Variants in CHMP2A observed in about 807,000 individuals in gnomAD.
CHMP2A encodes the protein VPS2 homolog A.
A neutral mutation model predicts 21.8 loss-of-function variants in CHMP2A; 6 were observed. The ratio of observed to expected loss-of-function variants is 0.28; its 90% CI spans 0.15 to 0.54. The LOEUF (loss-of-function observed/expected upper bound fraction) is 0.54. Among genes scored for constraint, CHMP2A ranks in the 20% least tolerant of loss-of-function variants. The probability of loss-of-function intolerance (pLI) is 0.95; values close to 1 mark genes in which losing one functional copy is unlikely to be tolerated. For synonymous variants in CHMP2A, 125 were observed against 107.0 expected, an observed-to-expected ratio of 1.17 and a Z score of -1.04; for missense variants, 303 against 293.9, an observed-to-expected ratio of 1.03 and a Z score of -0.23.
In CHMP2A at chr19:58,552,351, C is replaced by G; in HGVS notation, c.256G>C (p.Val86Leu). 1 of 1,614,218 alleles carries G rather than the reference C, an allele frequency of 6.2e-7. No homozygotes were observed. The highest frequency in any genetic ancestry group is 8.5e-7 in the Non-Finnish European group (1 of 1,180,042). ...TTGAGTGTCTGGATCTTGAGGGACA[C>G]AGCCTGGATGTTGGCCCGCATCAAT... ...FVLMRANIQA[V>L]SLKIQTLKSN... Residue 86 changes from valine to leucine, a missense_variant, in exon 3 of 6, where the codon GTG (valine) becomes CTG (leucine). Physicochemically the swap from Val to Leu is conservative, Grantham distance 32. Coordinates refer to ENST00000312547, the MANE Select transcript of CHMP2A (RefSeq NM_014453.4).
rs764738163 is a variant in CHMP2A at position 58,554,203 on chromosome 19, A to G, written c.10T>C (p.Leu4=). 4.3e-6 allele frequency: 7 copies of G among 1,613,022 alleles called. No individual in the cohort carries two copies. The Admixed American group carries it at 1.0e-4, about 23-fold the overall frequency. Residue 4 remains leucine, a synonymous_variant, in exon 2 of 6, where the codon TTG becomes CTG. Coordinates refer to ENST00000312547, the MANE Select transcript of CHMP2A (RefSeq NM_014453.4). MDL[L]FGRRKTPEEL... is the part of the protein sequence containing the mutation. ...TCTGGCGTCTTCCGGCGCCCGAACAATAGGTCCATGATGGTAGAAGCTCAC... is the reference window on the plus strand; with the variant it reads ...TCTGGCGTCTTCCGGCGCCCGAACAGTAGGTCCATGATGGTAGAAGCTCAC...
chr19:58,552,429 G>C lies in CHMP2A; in HGVS notation c.178C>G (p.Arg60Gly), dbSNP rs773474943. The C allele has an allele frequency of 1.2e-6, 2 of 1,613,722 alleles. No individual in the cohort carries two copies. The highest frequency in any genetic ancestry group is 1.1e-5 in the South Asian group (1 of 91,040). The change falls in exon 3 of 6, where the codon CGC becomes GGC. Residue 60 changes from arginine to glycine, a missense_variant. By Grantham distance (125) the Arg-to-Gly change is moderately radical (BLOSUM62 -2). Coordinates refer to ENST00000312547, the MANE Select transcript of CHMP2A (RefSeq NM_014453.4). ...MAKQGQMDAVRIMAKDLVRTR... is the reference protein window; with the variant it reads ...MAKQGQMDAVGIMAKDLVRTR... ...CGCACCAAGTCTTTTGCCATGATGC[G>C]AACAGCATCCTGCAGAGTAGACAAG...
Position 58,552,143 on chromosome 19 carries a change from G to A in CHMP2A, c.391C>T (p.Arg131Trp), listed in dbSNP as rs960083867. Residue 131 changes from arginine (R) to tryptophan (W), a missense_variant, in exon 4 of 6, where the codon CGG becomes TGG. Arg to Trp is a moderately radical substitution (Grantham distance 101). Coordinates refer to ENST00000312547, the MANE Select transcript of CHMP2A (RefSeq NM_014453.4). Reference sequence around the variant, plus strand: ...TTCATATCCATGATCTCTGCCTGCCGCTCAAACTCCATCATGATCTTCTGG... The same window carrying A: ...TTCATATCCATGATCTCTGCCTGCCACTCAAACTCCATCATGATCTTCTGG... ...QIQKIMMEFE[R>W]QAEIMDMKEE... 6 of 1,614,006 alleles carry A rather than the reference G, an allele frequency of 3.7e-6. No individual in the cohort carries two copies. The African/African-American group carries it at 5.3e-5, about 14-fold the overall frequency.
In CHMP2A at chr19:58,554,515, C is replaced by T. The variant is rs984589991; in HGVS notation, c.-24-279G>A. On this transcript the variant is annotated intron_variant, in intron 1 of 5. Coordinates refer to ENST00000312547, the MANE Select transcript of CHMP2A (RefSeq NM_014453.4). The stretch of plus-strand genomic sequence containing the variant: ...TGGCTTGCAAGTTCAGCTTCCCTCT[C>T]CAGAACTATGGGTGAGGCCCTGGAG... The T allele has an allele frequency of 1.3e-5, 5 of 388,734 alleles. No homozygotes were observed. The East Asian group carries it at 2.8e-4, about 21-fold the overall frequency. 24.1% of individuals were successfully genotyped at this position (388,734 alleles called of 1,614,324 possible).
At chr19:58,553,667 G>A (rs1044371905) in intron 2 of CHMP2A, 1 of 290,200 alleles carries the variant, frequency 3.4e-6, no homozygotes, top group Non-Finnish European at 6.6e-6. Flanking sequence ...GAGCTACTGC[G>A]CCCGGCCCTG....
chr19:58,552,346 G>A lies in CHMP2A; in HGVS notation c.261C>T (p.Ser87=). The A allele has an allele frequency of 1.2e-6, 2 of 1,614,184 alleles. No homozygotes were observed. The highest frequency in any genetic ancestry group is 1.7e-6 in the Non-Finnish European group (2 of 1,180,028). ...VLMRANIQAV[S]LKIQTLKSNN... ...TGGACTTGAGTGTCTGGATCTTGAG[G>A]GACACAGCCTGGATGTTGGCCCGCA... The change falls in exon 3 of 6, where the codon TCC becomes TCT. Residue 87 remains serine, a synonymous_variant. Transcript: ENST00000312547.
In CHMP2A at chr19:58,552,331, T is replaced by C; in HGVS notation, c.276A>G (p.Thr92=). The C allele has an allele frequency of 6.2e-7, 1 of 1,614,206 alleles. No individual in the cohort carries two copies. Among genetic ancestry groups the C allele is most frequent in the Non-Finnish European group, 8.5e-7 (1 of 1,180,034 alleles). Residue 92 remains threonine (T), a synonymous_variant, in exon 3 of 6, where the codon ACA becomes ACG. Transcript: ENST00000312547. ...GTGCCATCGAGTTGTTGGACTTGAG[T>C]GTCTGGATCTTGAGGGACACAGCCT... is the stretch of plus-strand genomic sequence containing the variant. ...NIQAVSLKIQ[T]LKSNNSMAQA...
rs778532138 is a variant in CHMP2A at position 58,552,072 on chromosome 19, C to T, written c.462G>A (p.Glu154=). The part of the protein sequence containing the change: ...NDAIDDAMGD[E]EDEEESDAVV... ...CCCCATACCTCTCCTCTTCATCTTCCTCATCACCCATGGCATCATCAATGG... is the reference window on the plus strand; with the variant it reads ...CCCCATACCTCTCCTCTTCATCTTCTTCATCACCCATGGCATCATCAATGG... The change falls in exon 4 of 6, where the codon GAG becomes GAA. Residue 154 remains glutamate (E), a synonymous_variant. Coordinates refer to ENST00000312547, the MANE Select transcript of CHMP2A (RefSeq NM_014453.4). 112 of 1,614,104 alleles carry T rather than the reference C, an allele frequency of 6.9e-5. No homozygotes were observed. Among genetic ancestry groups the T allele is most frequent in the East Asian group, 1.8e-4 (8 of 44,900 alleles).
chr19:58,553,828 G>T lies in CHMP2A; in HGVS notation c.168+217C>A, dbSNP rs1162797514. 4.9e-6 allele frequency: 3 copies of T among 607,220 alleles called. No individual in the cohort carries two copies. The East Asian group carries it at 8.6e-5, about 17-fold the overall frequency. 37.6% of individuals were successfully genotyped at this position (607,220 alleles called of 1,614,324 possible). ...GCTCTGTCTGCTTAACACATTCCCT[G>T]CCCAGATCTGTAGGCTCACTCTCAT... is the stretch of plus-strand genomic sequence containing the variant. On this transcript the variant is annotated intron_variant, in intron 2 of 5. Transcript: ENST00000312547.
rs761504309 is a variant in CHMP2A at position 58,552,414 on chromosome 19, CTT to C, written c.191_192del (p.Lys64ArgfsTer66). 2 of 1,613,964 alleles carry C rather than the reference CTT, an allele frequency of 1.2e-6. No individual in the cohort carries two copies. The highest frequency in any genetic ancestry group is 1.7e-6 in the Non-Finnish European group (2 of 1,179,996). On this transcript the variant is annotated frameshift_variant, in exon 3 of 6. Coordinates refer to ENST00000312547, the MANE Select transcript of CHMP2A (RefSeq NM_014453.4). LOFTEE classifies it high-confidence loss of function. Reference sequence around the variant, plus strand: ...ACATAGCGCCGGGTGCGCACCAAGTCTTTTGCCATGATGCGAACAGCATCCTG... The same window carrying C: ...ACATAGCGCCGGGTGCGCACCAAGTCTTGCCATGATGCGAACAGCATCCTG... ...GQMDAVRIMA[K>X]DLVRTRRYVR...
At position 58,552,449 on chromosome 19, in the gene CHMP2A, G is replaced by T. The variant is rs1185645385; in HGVS notation, c.169-11C>A. The T allele has an allele frequency of 7.4e-6, 12 of 1,610,792 alleles. No individual in the cohort carries two copies. Among genetic ancestry groups the T allele is most frequent in the South Asian group, 1.1e-5 (1 of 90,846 alleles). On this transcript the variant is annotated splice_polypyrimidine_tract_variant and intron_variant, in intron 2 of 5. Coordinates refer to ENST00000312547, the MANE Select transcript of CHMP2A (RefSeq NM_014453.4). ...GATGCGAACAGCATCCTGCAGAGTA[G>T]ACAAGGGTATCAAGGACACAGGAAT... is the stretch of plus-strand genomic sequence containing the variant.
rs1342598906 is a variant in CHMP2A, at chr19:58,552,204, T to A, written c.349-19A>T. The A allele has an allele frequency of 1.2e-6, 2 of 1,614,098 alleles. No homozygotes were observed. Among genetic ancestry groups the A allele is most frequent in the Middle Eastern group, 1.6e-4 (1 of 6,062 alleles). On this transcript the variant is annotated intron_variant, in intron 3 of 5. Coordinates refer to ENST00000312547, the MANE Select transcript of CHMP2A (RefSeq NM_014453.4). ...ACTTCAGCTGGAAGTGACAGGAGTGTGAGTGTGATCCCCATGGGTCGTGGG... is the reference window on the plus strand; with the variant it reads ...ACTTCAGCTGGAAGTGACAGGAGTGAGAGTGTGATCCCCATGGGTCGTGGG...
intron 1 of CHMP2A, 94 bp from the exon 2 acceptor site, chr19:58,554,330 G>A (rs1321781505): frequency 1.7e-6 from 2 of 1,155,156 alleles, no homozygotes; most frequent in African/African-American, 1.5e-5. Flanking sequence ...CAAATGGGAA[G>A]GGGCTAACGG....
chr19:58,551,790 G>A lies in CHMP2A; in HGVS notation c.542-14C>T, dbSNP rs75672965. On this transcript the variant is annotated splice_polypyrimidine_tract_variant and intron_variant, in intron 5 of 5. Transcript: ENST00000312547. ...TTGAGGGGAGGTCTGCAGAGAAAGT[G>A]GGGGTTTGAGCAGGTGGGGTCAGGC... is the stretch of plus-strand genomic sequence containing the variant. 48,129 of 1,613,718 alleles carry A rather than the reference G, an allele frequency of 0.03. 906 individuals are homozygous for A. The highest frequency in any genetic ancestry group is 0.036 in the Non-Finnish European group (42,638 of 1,179,676).
At chr19:58,552,006 C>T (rs367765807) in intron 4 of CHMP2A, 39 bp from the exon 5 acceptor site, 191 of 1,614,006 alleles carry the variant, frequency 1.2e-4, no homozygotes, top group Middle Eastern at 3.3e-4. Context: ...CTATGCACTC[C>T]GTGAGGGCCA....
At position 58,554,186 on chromosome 19, in the gene CHMP2A, C is replaced by T; in HGVS notation, c.27G>A (p.Lys9=). MDLLFGRR[K]TPEELLRQNQ... ...TCTGCCGCAGTAGCTCCTCTGGCGT[C>T]TTCCGGCGCCCGAACAATAGGTCCA... The change falls in exon 2 of 6, where the codon AAG becomes AAA. Residue 9 remains lysine, a synonymous_variant. Coordinates refer to ENST00000312547, the MANE Select transcript of CHMP2A (RefSeq NM_014453.4). The T allele has an allele frequency of 6.2e-7, 1 of 1,613,598 alleles. No individual in the cohort carries two copies. The highest frequency in any genetic ancestry group is 1.1e-5 in the South Asian group (1 of 91,066).
intron 1 of CHMP2A, 143 bp downstream of exon 1, chr19:58,554,845 A>C (rs1207434462): frequency 1.3e-5 from 2 of 152,518 alleles, no homozygotes; most frequent in East Asian, 3.8e-4. Flanking sequence ...CCGGCACCAA[A>C]GCAAGGTGGT....
At chr19:58,553,461 C>T (rs1285183779) in intron 2 of CHMP2A, among the ~76,000 whole-genome samples, 19 of 150,964 alleles carry the variant, frequency 1.3e-4, no homozygotes, top group Non-Finnish European at 2.9e-5. Flanking sequence ...ACCTCCGCCT[C>T]CTGGGTTCAA....
At position 58,551,926 on chromosome 19, in the gene CHMP2A, C is replaced by G. The variant is rs773810226; in HGVS notation, c.521G>C (p.Ser174Thr). ...VSQVLDELGL[S>T]LTDELSNLPS... is the part of the protein sequence containing the mutation. ...CTCACTCGACAGCTCATCTGTTAGGCTAAGTCCCAGCTCATCCAGAACCTG... is the reference window on the plus strand; with the variant it reads ...CTCACTCGACAGCTCATCTGTTAGGGTAAGTCCCAGCTCATCCAGAACCTG... The change falls in exon 5 of 6, where the codon AGC becomes ACC. Residue 174 changes from serine to threonine, a missense_variant. Transcript: ENST00000312547. 6.2e-7 allele frequency: 1 copy of G among 1,613,994 alleles called. No individual in the cohort carries two copies. Among genetic ancestry groups the G allele is most frequent in the African/African-American group, 1.3e-5 (1 of 74,892 alleles).
Sources: allele counts gnomAD v4.1 joint callset (sites outside exome capture counted in the v4.1 genomes callset), GRCh38; gene constraint gnomAD v4.1.1; transcripts MANE v1.5; gene names NCBI Gene and HGNC (gene_info 2026-07-23, HGNC 2026-07-21).